The following PHEX variants were observed in gnomAD, a reference collection of about 807,000 sequenced individuals.
PHEX encodes the protein phosphate-regulating neutral endopeptidase PHEX.
PHEX carries 16 observed loss-of-function variants against 68.0 expected under a neutral mutation model. The ratio of observed to expected loss-of-function variants is 0.24; its 90% CI spans 0.16 to 0.36. The LOEUF is 0.36. Ranked by LOEUF, PHEX falls within the 10% of genes least tolerant of loss-of-function variation. The probability of loss-of-function intolerance (pLI) is 1.00; values close to 1 mark genes in which losing one functional copy is unlikely to be tolerated. For missense variants in PHEX, 480 were observed against 575.5 expected (o/e 0.83, Z 1.70); for synonymous variants, 208 against 205.1 (o/e 1.01, Z -0.12).
At chrX:22,207,292 G>A (rs1602389258) in intron 15 of PHEX, among the ~76,000 whole-genome samples, 1 of 112,350 alleles carries the variant, frequency 8.9e-6, no homozygotes, top group Non-Finnish European at 1.9e-5. Flanking sequence ...CATTGAAGTG[G>A]TATAACCACA....
chrX:22,185,300 A>C (rs1008234452), intron 14 of PHEX, among the ~76,000 whole-genome samples: 3 of 112,298 alleles, frequency 2.7e-5, no homozygotes, highest in Non-Finnish European at 5.6e-5. Context: ...ACATGCAATA[A>C]ATTCATTTTA....
At chrX:22,157,067 G>A (rs1033727382) in intron 12 of PHEX, among the ~76,000 whole-genome samples, 13 of 111,502 alleles carry the variant, frequency 1.2e-4, no homozygotes, top group Middle Eastern at 4.6e-3. Context: ...ATTTTTAGTA[G>A]AGACAGGGTT....
chrX:22,061,383 G>A (rs1428217300), intron 3 of PHEX, among the ~76,000 whole-genome samples: 1 of 111,486 alleles, frequency 9.0e-6, no homozygotes, highest in Non-Finnish European at 1.9e-5. Flanking sequence ...CTTTTCAACT[G>A]TGACTGAGGT....
In PHEX at chrX:22,215,452, C is replaced by T. The variant is rs752844041; in HGVS notation, c.1700+2494C>T. Among the ~76,000 whole-genome samples the T allele has an allele frequency of 2.7e-5, 3 of 111,071 alleles. No individual in the cohort carries two copies. In the South Asian group the frequency reaches 1.2e-3, roughly 43 times the overall value. On this transcript the variant is annotated intron_variant, in intron 16 of 21. Coordinates refer to ENST00000379374, the MANE Select transcript of PHEX (RefSeq NM_000444.6). The stretch of plus-strand genomic sequence containing the variant: ...CTCACAGTGGTCAGCTTAGTCCTCA[C>T]CTGAGTGTTGAGTCTAATTATGGGG...
chrX:22,129,435 T>C (rs948104572), intron 11 of PHEX, among the ~76,000 whole-genome samples: 4 of 111,799 alleles, frequency 3.6e-5, no homozygotes, highest in Admixed American at 2.9e-4. Flanking sequence ...CGAAGAAATA[T>C]AATTTTTTAG....
intron 14 of PHEX, among the ~76,000 whole-genome samples, chrX:22,180,763 C>T (rs1186401770): frequency 3.7e-5 from 4 of 109,587 alleles, no homozygotes; most frequent in African/African-American, 1.0e-4. Context: ...ACCATCCCCT[C>T]GACCCAGTAC....
chrX:22,154,220 A>G (rs1363543930), intron 12 of PHEX, among the ~76,000 whole-genome samples: 1 of 112,045 alleles, frequency 8.9e-6, no homozygotes, highest in East Asian at 2.8e-4. Flanking sequence ...AAGGTGGTAG[A>G]GTTTTCTACA....
At chrX:22,095,139 C>G (rs1930077572) in intron 7 of PHEX, among the ~76,000 whole-genome samples, 1 of 111,322 alleles carries the variant, frequency 9.0e-6, no homozygotes, top group African/African-American at 3.3e-5. Flanking sequence ...GAATTGGTCT[C>G]TCTCTCTTTG....
intron 3 of PHEX, among the ~76,000 whole-genome samples, chrX:22,060,355 G>C (rs1317474941): frequency 9.0e-6 from 1 of 110,944 alleles, no homozygotes; most frequent in African/African-American, 3.3e-5. Flanking sequence ...GAGTAAGGGA[G>C]TAGGGGAACT....
intron 3 of PHEX, among the ~76,000 whole-genome samples, chrX:22,047,603 C>T (rs1249610488): frequency 3.6e-5 from 4 of 112,072 alleles, no homozygotes; most frequent in African/African-American, 1.3e-4. Flanking sequence ...CTTAACACCT[C>T]ATCATCTTTT....
rs191847521 is a variant in PHEX, at chrX:22,053,897, G to A, written c.349+6686G>A. 1.4e-3 allele frequency among the ~76,000 whole-genome samples: 157 copies of A among 111,816 alleles called. 1 individual carries two copies. The highest frequency in any genetic ancestry group is 1.7e-3 in the Non-Finnish European group (93 of 53,187). On this transcript the variant is annotated intron_variant, in intron 3 of 21. Transcript: ENST00000379374. ...ATTTATTTGTAAATACCTTCTGGCTGAGATTCAAATAGTTCTCGTAATTAA... is the reference window on the plus strand; with the variant it reads ...ATTTATTTGTAAATACCTTCTGGCTAAGATTCAAATAGTTCTCGTAATTAA...
At chrX:22,239,817 T>G (rs1025216430) in intron 20 of PHEX, among the ~76,000 whole-genome samples, 1 of 111,631 alleles carries the variant, frequency 9.0e-6, no homozygotes, top group Non-Finnish European at 1.9e-5. Flanking sequence ...AAAACACTCT[T>G]CAGGATATTA....
At chrX:22,130,605 C>T (rs887510789) in intron 11 of PHEX, among the ~76,000 whole-genome samples, 8 of 109,364 alleles carry the variant, frequency 7.3e-5, no homozygotes, top group African/African-American at 2.3e-4. Flanking sequence ...AGATCTAGTC[C>T]CCGGAGATTT....
At position 22,249,455 on chromosome X, in the gene PHEX, A is replaced by AAAAAAATATATATATATATATAT; in HGVS notation, c.*1503_*1504insAAAAATATATATATATATATATA. ...TTGTGATTCTTTTAAAAAAAAAAAA[A>AAAAAAATATATATATATATATAT]ATATATATATATATATATATATATA... On this transcript the variant is annotated 3_prime_UTR_variant, in exon 22 of 22. Coordinates refer to ENST00000379374, the MANE Select transcript of PHEX (RefSeq NM_000444.6). The AAAAAAATATATATATATATATAT allele has an allele frequency of 2.5e-5, 1 of 39,758 alleles. No individual in the cohort carries two copies. Among genetic ancestry groups the AAAAAAATATATATATATATATAT allele is most frequent in the African/African-American group, 1.7e-4 (1 of 6,017 alleles). The allele number at this position is 39,758 out of a possible 1,213,427, so 3.3% of individuals were successfully genotyped here.
intron 12 of PHEX, among the ~76,000 whole-genome samples, chrX:22,157,846 C>T (rs1216682678): frequency 8.9e-6 from 1 of 111,957 alleles, no homozygotes; most frequent in Non-Finnish European, 1.9e-5. Context: ...TCTTTTACTT[C>T]TTGTACAATT....
chrX:22,133,336 T>A (rs775883106), intron 11 of PHEX, among the ~76,000 whole-genome samples, 187 bp from the exon 12 acceptor site: 7 of 112,088 alleles, frequency 6.2e-5, no homozygotes, highest in Non-Finnish European at 9.4e-5. Context: ...AGTTATCTTT[T>A]AGTGGTGGAA....
intron 5 of PHEX, among the ~76,000 whole-genome samples, chrX:22,081,020 T>C (rs1246571453): frequency 9.0e-6 from 1 of 111,727 alleles, no homozygotes; most frequent in Non-Finnish European, 1.9e-5. Context: ...TTGGAGAATG[T>C]TTTTCTTTGA....
chrX:22,220,229 G>A (rs896855650), intron 17 of PHEX, among the ~76,000 whole-genome samples: 6 of 111,389 alleles, frequency 5.4e-5, no homozygotes, highest in Admixed American at 4.8e-4. Flanking sequence ...TATAGAAGGG[G>A]ACCTCTTTCT....
chrX:22,076,064 A>G (rs762526241), intron 3 of PHEX, among the ~76,000 whole-genome samples: 1 of 112,593 alleles, frequency 8.9e-6, no homozygotes, highest in Non-Finnish European at 1.9e-5. Context: ...TTGGTTCTTG[A>G]ATAAATGAAT....
Sources: gnomAD v4.1 joint callset for allele counts (sites outside exome capture counted in the v4.1 genomes callset) on GRCh38, gnomAD v4.1.1 for gene constraint, MANE v1.5 for transcripts, NCBI Gene and HGNC (gene_info 2026-07-23, HGNC 2026-07-21) for gene names.